PRKCH: variants seen among roughly 807,000 people sequenced by gnomAD.
The protein encoded by PRKCH is protein kinase C eta, also known as protein kinase C eta type.
Under a neutral mutation model 82.5 loss-of-function variants are expected in PRKCH, and 28 were observed. The observed-to-expected ratio is 0.34, with a 90% CI of 0.25 to 0.47. PRKCH has a LOEUF of 0.47. Ranked by LOEUF, PRKCH falls within the 20% of genes least tolerant of loss-of-function variation. The probability of loss-of-function intolerance (pLI) is 1.00; values close to 1 mark genes in which losing one functional copy is unlikely to be tolerated. For missense variants in PRKCH, 705 were observed against 881.8 expected (o/e 0.80, Z 2.54); for synonymous variants, 322 against 327.4 (o/e 0.98, Z 0.18).
Position 61,449,227 on chromosome 14 carries a change from A to G in PRKCH, c.677A>G (p.Asn226Ser), listed in dbSNP as rs1470282446. The change falls in exon 5 of 14, where the codon AAC (asparagine) becomes AGC (serine). Residue 226 changes from asparagine to serine, a missense_variant. Asn to Ser is a conservative substitution (Grantham distance 46). Coordinates refer to ENST00000332981, the MANE Select transcript of PRKCH (RefSeq NM_006255.5). Reference sequence around the variant, plus strand: ...ATTGTTACAGCCTGTACTTGCCAAAACAATATTAACAAAGTGGATTCAAAG... The same window carrying G: ...ATTGTTACAGCCTGTACTTGCCAAAGCAATATTAACAAAGTGGATTCAAAG... ...HLIVTACTCQ[N>S]NINKVDSKIA... 1.9e-6 allele frequency: 3 copies of G among 1,613,684 alleles called. No homozygotes were observed. The African/African-American group carries it at 4.0e-5, about 22-fold the overall frequency.
chr14:61,513,193 C>T (rs1443569765), intron 10 of PRKCH, among the ~76,000 whole-genome samples: 1 of 152,116 alleles, frequency 6.6e-6, no homozygotes, highest in East Asian at 1.9e-4. Context: ...ACACTTTACA[C>T]TCAAGGGGTG....
chr14:61,499,435 G>A (rs909399996), intron 10 of PRKCH, among the ~76,000 whole-genome samples: 9 of 152,134 alleles, frequency 5.9e-5, no homozygotes, highest in East Asian at 3.9e-4. Context: ...TGTCCTGGGG[G>A]TGTCTGGTTT....
At chr14:61,424,450 G>C (rs1005540019) in intron 2 of PRKCH, among the ~76,000 whole-genome samples, 11 of 152,228 alleles carry the variant, frequency 7.2e-5, no homozygotes, top group Admixed American at 3.3e-4. Flanking sequence ...GCTTCAGATG[G>C]AGATGAGGAA....
rs557361278 is a variant in PRKCH at position 61,488,997 on chromosome 14, C to A, written c.1433+3341C>A. On this transcript the variant is annotated intron_variant, in intron 10 of 13. Transcript: ENST00000332981. ...ATAGATTCAAATGCTATTTTTATCC[C>A]TTGGATTTATTTCACAGGATAATTT... Among the ~76,000 whole-genome samples the A allele has an allele frequency of 5.3e-5, 8 of 152,230 alleles. 2 individuals are homozygous for A. The South Asian group carries it at 1.5e-3, about 28-fold the overall frequency.
chr14:61,512,249 CTTTTTTTTTTTT>C (rs11342820), intron 10 of PRKCH, among the ~76,000 whole-genome samples: 3 of 118,538 alleles, frequency 2.5e-5, no homozygotes, highest in African/African-American at 1.0e-4. Context: ...TCACATGACC[CTTTTTTTTTTTT>C]TTTTTTTTTT....
intron 12 of PRKCH, chr14:61,545,093 C>G (rs1210574441): frequency 7.6e-6 from 1 of 131,414 alleles, no homozygotes; most frequent in African/African-American, 2.4e-5. Context: ...TCATCACTCA[C>G]CTCGGATGGA....
chr14:61,240,292 C>CA (rs1468894273), intron 1 of PRKCH, among the ~76,000 whole-genome samples: 2 of 152,128 alleles, frequency 1.3e-5, no homozygotes, highest in Non-Finnish European at 2.9e-5. Flanking sequence ...CCGCAGAAAG[C>CA]AGTTGGTTAT....
chr14:61,510,161 G>T (rs916731626), intron 10 of PRKCH, among the ~76,000 whole-genome samples: 1 of 152,184 alleles, frequency 6.6e-6, no homozygotes, highest in East Asian at 1.9e-4. Context: ...GGCAGAGCTG[G>T]CAGCTGAGGT....
intron 12 of PRKCH, among the ~76,000 whole-genome samples, chr14:61,542,265 C>T (rs1034493963): frequency 5.9e-5 from 9 of 151,444 alleles, no homozygotes; most frequent in African/African-American, 2.2e-4. Flanking sequence ...GCACTCCAGC[C>T]TAGACAGCAA....
chr14:61,510,569 G>T (rs897271024), intron 10 of PRKCH, among the ~76,000 whole-genome samples: 3 of 152,060 alleles, frequency 2.0e-5, no homozygotes, highest in African/African-American at 4.8e-5. Flanking sequence ...TTTAGTTTTT[G>T]TTTTTTTGTG....
chr14:61,308,010 A>AT (rs573158793), intron 1 of PRKCH, among the ~76,000 whole-genome samples: 77 of 151,386 alleles, frequency 5.1e-4, no homozygotes, highest in Non-Finnish European at 9.0e-4. Flanking sequence ...CTAATTTTTA[A>AT]TTTTTTTTTG....
At chr14:61,513,645 A>T (rs1180244390) in intron 10 of PRKCH, among the ~76,000 whole-genome samples, 1 of 152,184 alleles carries the variant, frequency 6.6e-6, no homozygotes, top group Non-Finnish European at 1.5e-5. Flanking sequence ...TGAAATTTCC[A>T]AATACATATA....
intron 1 of PRKCH, chr14:61,305,196 C>T (rs10134777): frequency 0.96 from 145,423 of 152,106 alleles, 69,879 homozygotes; most frequent in East Asian, 1. Flanking sequence ...TTATCTTTTA[C>T]TTTAGAGATA....
intron 9 of PRKCH, among the ~76,000 whole-genome samples, chr14:61,482,862 A>G (rs3783778): frequency 0.054 from 8,168 of 152,252 alleles, 330 homozygotes; most frequent in African/African-American, 0.1. Flanking sequence ...CAGATCTGGA[A>G]TTTAGCCCAC....
At position 61,280,353 on chromosome 14, in the gene PRKCH, C is replaced by T. The variant is rs775471361; in HGVS notation, c.-19+92685C>T. 2 of 1,613,964 alleles carry T rather than the reference C, an allele frequency of 1.2e-6. No individual in the cohort carries two copies. The highest frequency in any genetic ancestry group is 1.1e-5 in the South Asian group (1 of 91,074). ...AGTTGCCCTGGCGGATGCGCGCGTA[C>T]AGTTTGCGGAACGTGGGCAGCGCCG... On this transcript the variant is annotated intron_variant, in intron 1 of 3. Coordinates refer to the PRKCH transcript ENST00000555185. This position sits in a 1 kb window ranked among gnomAD's most constrained non-coding sequence, Gnocchi z 5.0.
chr14:61,394,889 A>G (rs1160385290), intron 2 of PRKCH, among the ~76,000 whole-genome samples: 1 of 152,180 alleles, frequency 6.6e-6, no homozygotes, highest in African/African-American at 2.4e-5. Context: ...CCCTTACTGC[A>G]GCAAGAAGCC....
At chr14:61,422,382 G>T (rs114710807) in intron 2 of PRKCH, among the ~76,000 whole-genome samples, 5,157 of 152,272 alleles carry the variant, frequency 0.034, 290 homozygotes, top group African/African-American at 0.12. Flanking sequence ...GAGCCACAGT[G>T]CCTGGCCAAT....
chr14:61,229,385 G>C lies in PRKCH; in HGVS notation c.-19+41717G>C, dbSNP rs1017021925. Among the ~76,000 whole-genome samples, 4 of 152,314 alleles carry C rather than the reference G, an allele frequency of 2.6e-5. No homozygotes were observed. In the South Asian group the frequency reaches 8.3e-4, roughly 32 times the overall value. The stretch of plus-strand genomic sequence containing the variant: ...GGTAAAAAAGGCAAGAAGGCTTTTA[G>C]CTGCCTGAATAAAATTCTGCCAACG... On this transcript the variant is annotated intron_variant, in intron 1 of 3. Coordinates refer to the PRKCH transcript ENST00000555185.
chr14:61,523,586 T>C (rs1280458959), intron 10 of PRKCH, among the ~76,000 whole-genome samples: 3 of 152,216 alleles, frequency 2.0e-5, no homozygotes, highest in Admixed American at 6.5e-5. Flanking sequence ...AATAAGAATA[T>C]AGATAAAGCA....
Sources: allele counts gnomAD v4.1 joint callset (sites outside exome capture counted in the v4.1 genomes callset), GRCh38; gene constraint gnomAD v4.1.1; non-coding constraint Gnocchi (gnomAD v3.1); transcripts MANE v1.5; gene names NCBI Gene and HGNC (gene_info 2026-07-23, HGNC 2026-07-21).